ACMSD: variants seen among roughly 807,000 people sequenced by gnomAD.
ACMSD encodes aminocarboxymuconate semialdehyde decarboxylase.
ACMSD carries 37 observed loss-of-function variants against 45.9 expected under a neutral mutation model. The observed-to-expected ratio is 0.81, with a 90% CI of 0.62 to 1.06. The LOEUF is 1.06. ACMSD is among the 50% of genes least tolerant of loss of function. The pLI is 0.00. For synonymous variants in ACMSD, 138 were observed against 148.8 expected (o/e 0.93, Z 0.53); for missense variants, 434 against 420.9 (o/e 1.03, Z -0.27).
At chr2:134,857,994 T>C (rs1274552719) in intron 2 of ACMSD, 1 of 151,920 alleles carries the variant, frequency 6.6e-6, no homozygotes, top group Non-Finnish European at 1.5e-5. Flanking sequence ...AAAGTAAAAA[T>C]AGAACTACTA....
chr2:134,897,466 C>T (rs2104968280), intron 8 of ACMSD, among the ~76,000 whole-genome samples: 1 of 152,142 alleles, frequency 6.6e-6, no homozygotes, highest in South Asian at 2.1e-4. Context: ...TTTAATTGGC[C>T]AGTCTTTTGC....
chr2:134,869,240 TCTCA>T (rs1381620367), intron 6 of ACMSD, among the ~76,000 whole-genome samples: 3 of 151,416 alleles, frequency 2.0e-5, no homozygotes, highest in Non-Finnish European at 4.4e-5. Context: ...AGAGACCGAG[TCTCA>T]CTCTGTTGCC....
chr2:134,870,815 A>G (rs1299949807), intron 6 of ACMSD, 150 bp from the exon 7 acceptor site: 7 of 533,916 alleles, frequency 1.3e-5, no homozygotes, highest in Non-Finnish European at 2.3e-5. Flanking sequence ...TCTCCTTGCC[A>G]AAGTAATGTC....
At chr2:134,841,569 T>C (rs2104805587) in intron 1 of ACMSD, among the ~76,000 whole-genome samples, 1 of 152,236 alleles carries the variant, frequency 6.6e-6, no homozygotes, top group East Asian at 1.9e-4. Flanking sequence ...GATCAAATTG[T>C]TTCTGATGAA....
At chr2:134,901,379 A>T (rs1469494964) in intron 9 of ACMSD, among the ~76,000 whole-genome samples, 2 of 152,206 alleles carry the variant, frequency 1.3e-5, no homozygotes, top group African/African-American at 4.8e-5. Context: ...ATTTAGGGCC[A>T]TGTGAAAACA....
chr2:134,895,407 T>C (rs547053924), intron 8 of ACMSD, among the ~76,000 whole-genome samples: 10 of 146,966 alleles, frequency 6.8e-5, no homozygotes, highest in Non-Finnish European at 1.5e-4. Flanking sequence ...AAAGAAGACC[T>C]AAATGAAAAG....
At chr2:134,859,468 C>T in intron 3 of ACMSD, 111 bp downstream of exon 3, 1 of 984,658 alleles carries the variant, frequency 1.0e-6, no homozygotes, top group Non-Finnish European at 1.6e-6. Context: ...TTTTCTCTGC[C>T]AGGACAGGCT....
chr2:134,840,180 A>AAAAAAAAAACAAAC (rs1686726163), intron 1 of ACMSD, among the ~76,000 whole-genome samples: 1 of 140,146 alleles, frequency 7.1e-6, no homozygotes, highest in East Asian at 2.6e-4. Flanking sequence ...AAAAAAAAAA[A>AAAAAAAAAACAAAC]AAAAAAAAAA....
At chr2:134,865,708 G>A (rs1039569732) in intron 5 of ACMSD, among the ~76,000 whole-genome samples, 2 of 152,148 alleles carry the variant, frequency 1.3e-5, no homozygotes, top group Non-Finnish European at 2.9e-5. Context: ...AGGTGATCCT[G>A]GTACTCCAAA....
At chr2:134,854,958 T>C (rs1687512194) in intron 2 of ACMSD, among the ~76,000 whole-genome samples, 2 of 152,226 alleles carry the variant, frequency 1.3e-5, no homozygotes, top group African/African-American at 4.8e-5. Context: ...ATACTGGGTA[T>C]TTTATAGTGA....
intron 8 of ACMSD, among the ~76,000 whole-genome samples, chr2:134,876,073 G>T (rs1688717380): frequency 6.6e-6 from 1 of 152,150 alleles, no homozygotes; most frequent in African/African-American, 2.4e-5. Flanking sequence ...GTAAAAATAA[G>T]ATGTAAAAGA....
intron 2 of ACMSD, among the ~76,000 whole-genome samples, chr2:134,853,483 C>T (rs1394068951): frequency 1.3e-5 from 2 of 151,870 alleles, no homozygotes. Flanking sequence ...CTCTGGTTGT[C>T]TAAATTAAAG....
At chr2:134,840,433 C>G (rs942822672) in intron 1 of ACMSD, among the ~76,000 whole-genome samples, 7 of 151,940 alleles carry the variant, frequency 4.6e-5, no homozygotes, top group Non-Finnish European at 1.0e-4. Flanking sequence ...ATGTGTATGT[C>G]CCCCCCAAAA....
chr2:134,854,192 A>G (rs1687475057), intron 2 of ACMSD, among the ~76,000 whole-genome samples: 1 of 152,238 alleles, frequency 6.6e-6, no homozygotes, highest in Admixed American at 6.5e-5. Flanking sequence ...TTGATAATAC[A>G]TGGTAAAATC....
chr2:134,855,661 G>A (rs1374265440), intron 2 of ACMSD, among the ~76,000 whole-genome samples: 1 of 152,214 alleles, frequency 6.6e-6, no homozygotes, highest in Non-Finnish European at 1.5e-5. Context: ...CTGCTAGTGT[G>A]TGGACACCTG....
At chr2:134,883,246 T>C (rs1186017528) in intron 8 of ACMSD, among the ~76,000 whole-genome samples, 1 of 151,958 alleles carries the variant, frequency 6.6e-6, no homozygotes, top group African/African-American at 2.4e-5. Flanking sequence ...ACCAAGGGAA[T>C]AGGATCTGGG....
At chr2:134,900,073 T>C (rs1412951610) in intron 9 of ACMSD, among the ~76,000 whole-genome samples, 1 of 152,072 alleles carries the variant, frequency 6.6e-6, no homozygotes, top group Non-Finnish European at 1.5e-5. Context: ...CATGCGAAGG[T>C]AAATACCACT....
At chr2:134,901,568 T>G (rs1326156345) in intron 9 of ACMSD, among the ~76,000 whole-genome samples, 1 of 152,122 alleles carries the variant, frequency 6.6e-6, no homozygotes, top group Non-Finnish European at 1.5e-5. Context: ...AGGAGGGCTC[T>G]CCCCTTTATA....
At chr2:134,866,738 G>A (rs1046792240) in intron 5 of ACMSD, among the ~76,000 whole-genome samples, 2 of 152,186 alleles carry the variant, frequency 1.3e-5, no homozygotes, top group East Asian at 1.9e-4. Flanking sequence ...GAATCTTGAC[G>A]AGCACTAATA....
Sources: allele counts gnomAD v4.1 joint callset (sites outside exome capture counted in the v4.1 genomes callset), GRCh38; gene constraint gnomAD v4.1.1; transcripts MANE v1.5; gene names NCBI Gene and HGNC (gene_info 2026-07-23, HGNC 2026-07-21).